The following CCDC152 variants were observed in gnomAD, a reference collection of about 807,000 sequenced individuals.
CCDC152 encodes coiled-coil domain-containing protein 152.
CCDC152 carries 37 observed loss-of-function variants against 38.1 expected under a neutral mutation model. That is an observed-to-expected ratio of 0.97 (90% CI 0.75 to 1.28). CCDC152 has a LOEUF of 1.28. Among genes scored for constraint, CCDC152 ranks in the 50% most tolerant of loss-of-function variants. CCDC152 has a pLI of 0.00. For synonymous variants in CCDC152, 83 were observed against 87.1 expected, an observed-to-expected ratio of 0.95 and a Z score of 0.26; for missense variants, 259 against 292.1, an observed-to-expected ratio of 0.89 and a Z score of 0.83.
In CCDC152 at chr5:42,759,179, C is replaced by T; in HGVS notation, c.58C>T (p.Leu20Phe). Residue 20 changes from leucine to phenylalanine, a missense_variant, in exon 2 of 9, where the codon CTT (leucine) becomes TTT (phenylalanine). By Grantham distance (22) the Leu-to-Phe change is conservative (BLOSUM62 0). Transcript: ENST00000361970. ...KKISSVNLDKLINDFSQIEKK... is the reference protein window; with the variant it reads ...KKISSVNLDKFINDFSQIEKK... The stretch of plus-strand genomic sequence containing the variant: ...GATTAGCAGTGTGAATCTTGACAAA[C>T]TTATAAATGACTTCTCACAGATAGA... 6.5e-7 allele frequency: 1 copy of T among 1,549,882 alleles called. No individual in the cohort carries two copies. The highest frequency in any genetic ancestry group is 8.7e-7 in the Non-Finnish European group (1 of 1,145,612).
chr5:42,768,797 G>C (rs1374598383), intron 3 of CCDC152, among the ~76,000 whole-genome samples: 3 of 152,164 alleles, frequency 2.0e-5, no homozygotes, highest in Non-Finnish European at 4.4e-5. Flanking sequence ...TGGAAGATTT[G>C]CATGGACATA....
At chr5:42,778,936 G>C (rs1324174141) in intron 4 of CCDC152, among the ~76,000 whole-genome samples, 1 of 152,140 alleles carries the variant, frequency 6.6e-6, no homozygotes, top group Non-Finnish European at 1.5e-5. Context: ...TCTACCTAGT[G>C]ATAGGATCCC....
chr5:42,801,032 T>A lies in CCDC152; in HGVS notation c.*1251T>A. ...AGAGTAATTGATTTATACATCTCTT[T>A]CGACAGAGCTTCTTTTGTAAATCTT... On this transcript the variant is annotated 3_prime_UTR_variant, in exon 9 of 9. Transcript: ENST00000361970. 6.2e-7 allele frequency: 1 copy of A among 1,614,260 alleles called. No homozygotes were observed. Among genetic ancestry groups the A allele is most frequent in the Non-Finnish European group, 8.5e-7 (1 of 1,180,038 alleles).
In CCDC152 at chr5:42,799,825, C is replaced by T. The variant is rs549756125; in HGVS notation, c.*44C>T. 14 of 1,541,732 alleles carry T rather than the reference C, an allele frequency of 9.1e-6. No homozygotes were observed. Among genetic ancestry groups the T allele is most frequent in the East Asian group, 7.4e-5 (3 of 40,782 alleles). ...TAGTTGGTATTTATTTAAAAGCAAT[C>T]GAAAGTTTCACTTCTGTTTTCAATA... On this transcript the variant is annotated 3_prime_UTR_variant, in exon 9 of 9. Coordinates refer to ENST00000361970, the MANE Select transcript of CCDC152 (RefSeq NM_001134848.2).
Sources: allele counts gnomAD v4.1 joint callset (sites outside exome capture counted in the v4.1 genomes callset), GRCh38; gene constraint gnomAD v4.1.1; transcripts MANE v1.5; gene names NCBI Gene and HGNC (gene_info 2026-07-23, HGNC 2026-07-21).